Variants in TRIM24 observed in about 807,000 individuals in gnomAD.
TRIM24 encodes tripartite motif containing 24, also known as transcription intermediary factor 1-alpha.
Under a neutral mutation model 123.9 loss-of-function variants are expected in TRIM24, and 29 were observed. That is an observed-to-expected ratio of 0.23 (90% confidence interval 0.17 to 0.32). The LOEUF is 0.32. Among genes scored for constraint, TRIM24 ranks in the 10% least tolerant of loss-of-function variants. The pLI is 1.00. For missense variants in TRIM24, 932 were observed against 1,295.3 expected (o/e 0.72, Z 4.31); for synonymous variants, 456 against 461.1 (o/e 0.99, Z 0.14).
intron 7 of TRIM24, among the ~76,000 whole-genome samples, chr7:138,543,678 T>C (rs1352602276): frequency 1.3e-5 from 2 of 152,242 alleles, no homozygotes; most frequent in Admixed American, 6.5e-5. Context: ...ATATGCATAT[T>C]GAAATTATTG....
intron 14 of TRIM24, among the ~76,000 whole-genome samples, chr7:138,578,779 T>C (rs1797828428): frequency 6.6e-6 from 1 of 152,222 alleles, no homozygotes; most frequent in Non-Finnish European, 1.5e-5. Context: ...TTTATTACTT[T>C]GAAATTTTTG....
chr7:138,508,936 T>G (rs1237154743), intron 2 of TRIM24, among the ~76,000 whole-genome samples: 2 of 152,032 alleles, frequency 1.3e-5, no homozygotes, highest in Non-Finnish European at 2.9e-5. Flanking sequence ...TTTCAGGGAA[T>G]GATCTAACAG....
chr7:138,504,244 C>T (rs2116527622), intron 1 of TRIM24, 46 bp from the exon 2 acceptor site: 2 of 1,291,408 alleles, frequency 1.5e-6, no homozygotes, highest in Non-Finnish European at 1.1e-6. Flanking sequence ...GTTAAGTACT[C>T]AGTATATTTG....
chr7:138,544,265 T>C (rs771142528), intron 7 of TRIM24, among the ~76,000 whole-genome samples: 24 of 152,238 alleles, frequency 1.6e-4, no homozygotes, highest in Non-Finnish European at 2.6e-4. Flanking sequence ...AGTGAGATTA[T>C]ACAGTATTTT....
chr7:138,555,446 T>A (rs1455056612), intron 9 of TRIM24, among the ~76,000 whole-genome samples: 1 of 152,000 alleles, frequency 6.6e-6, no homozygotes, highest in African/African-American at 2.4e-5. Flanking sequence ...TCTGAGCAAA[T>A]ATACTGTCTA....
intron 16 of TRIM24, among the ~76,000 whole-genome samples, chr7:138,581,153 CTT>C (rs1797886865): frequency 1.3e-5 from 2 of 152,148 alleles, no homozygotes; most frequent in South Asian, 4.1e-4. Context: ...CAAGTCAACA[CTT>C]TGTTACCAAA....
rs753963633 is a variant in TRIM24 at position 138,460,659 on chromosome 7, G to A, written c.111G>A (p.Gln37=). 11 of 1,493,272 alleles carry A rather than the reference G, an allele frequency of 7.4e-6. No homozygotes were observed. The East Asian group carries it at 2.9e-4, about 39-fold the overall frequency. The allele number at this position is 1,493,272 out of a possible 1,614,324, so 92.5% of individuals were successfully genotyped here. Residue 37 remains glutamine, a synonymous_variant, in exon 1 of 19, where the codon CAG becomes CAA. Transcript: ENST00000343526. Reference sequence around the variant, plus strand: ...GGGAGAACGAGGCCGAGAGTCGGCAGGGCCCGGACTCGGAGCGCGGCGGCG... The same window carrying A: ...GGGAGAACGAGGCCGAGAGTCGGCAAGGCCCGGACTCGGAGCGCGGCGGCG... The part of the protein sequence containing the change: ...PSGENEAESR[Q]GPDSERGGEA...
At chr7:138,467,929 ATT>A (rs1013522068) in intron 1 of TRIM24, among the ~76,000 whole-genome samples, 4 of 151,502 alleles carry the variant, frequency 2.6e-5, no homozygotes, top group African/African-American at 9.7e-5. Flanking sequence ...ACTCCTTAGG[ATT>A]TTCTATGTAG....
At chr7:138,513,729 C>T (rs536963216) in intron 2 of TRIM24, among the ~76,000 whole-genome samples, 12 of 152,318 alleles carry the variant, frequency 7.9e-5, no homozygotes, top group African/African-American at 2.9e-4. Context: ...TGGGCAGGCA[C>T]ACAGATCCAA....
chr7:138,476,657 T>G (rs1795408765), intron 1 of TRIM24, among the ~76,000 whole-genome samples: 1 of 152,068 alleles, frequency 6.6e-6, no homozygotes, highest in Admixed American at 6.6e-5. Flanking sequence ...CATTATACTT[T>G]TTGGGTGAAA....
At chr7:138,557,291 T>TC (rs1370664048) in intron 9 of TRIM24, among the ~76,000 whole-genome samples, 1 of 152,056 alleles carries the variant, frequency 6.6e-6, no homozygotes, top group Admixed American at 6.6e-5. Flanking sequence ...TCGGCTTCAT[T>TC]CCCCCCTTTG....
At chr7:138,582,525 G>C (rs901461672) in intron 17 of TRIM24, among the ~76,000 whole-genome samples, 2 of 140,834 alleles carry the variant, frequency 1.4e-5, no homozygotes, top group African/African-American at 5.4e-5. Context: ...CTGGGCAAAA[G>C]AGCAAGACTC....
intron 2 of TRIM24, among the ~76,000 whole-genome samples, chr7:138,507,619 G>A (rs1009037105): frequency 6.6e-6 from 1 of 152,094 alleles, no homozygotes; most frequent in Non-Finnish European, 1.5e-5. Context: ...CACTGCATCC[G>A]GCCTCATCTG....
rs1231890608 is a variant in TRIM24, at chr7:138,508,699, G to GCA, written c.483+4292_483+4293insAC. ...TGTGTGTGTGTGTGTGTGTGCGCGCGCGTGTGTGCGTGTGTGTGTGCGTGT... is the reference window on the plus strand; with the variant it reads ...TGTGTGTGTGTGTGTGTGTGCGCGCGCACGTGTGTGCGTGTGTGTGTGCGTGT... On this transcript the variant is annotated intron_variant, in intron 2 of 18. Transcript: ENST00000343526. Among the ~76,000 whole-genome samples the GCA allele has an allele frequency of 1.1e-4, 11 of 96,456 alleles. 1 individual carries two copies. The highest frequency in any genetic ancestry group is 6.9e-4 in the Admixed American group (7 of 10,166). The allele number at this position is 96,456 out of a possible 152,430, so 63.3% of individuals were successfully genotyped here.
intron 7 of TRIM24, among the ~76,000 whole-genome samples, chr7:138,550,312 G>A (rs1162233295): frequency 7.4e-6 from 1 of 134,792 alleles, no homozygotes; most frequent in Non-Finnish European, 1.6e-5. Context: ...AGAAAGAGGA[G>A]TTGATGGTGT....
intron 6 of TRIM24, among the ~76,000 whole-genome samples, 188 bp downstream of exon 6, chr7:138,529,418 A>G (rs1201850609): frequency 6.6e-6 from 1 of 152,156 alleles, no homozygotes; most frequent in Non-Finnish European, 1.5e-5. Context: ...ATAATACGCT[A>G]TGAATGTCTG....
intron 7 of TRIM24, among the ~76,000 whole-genome samples, chr7:138,542,895 C>G (rs895699341): frequency 6.6e-6 from 1 of 152,142 alleles, no homozygotes; most frequent in Non-Finnish European, 1.5e-5. Flanking sequence ...GTGCTATAGT[C>G]TCCATCCTGA....
At chr7:138,468,769 C>T (rs1436418803) in intron 1 of TRIM24, among the ~76,000 whole-genome samples, 1 of 152,164 alleles carries the variant, frequency 6.6e-6, no homozygotes, top group African/African-American at 2.4e-5. Context: ...TGCGTAGTAG[C>T]CTTCAGCCAA....
intron 10 of TRIM24, 103 bp downstream of exon 10, chr7:138,567,757 C>T: frequency 8.4e-7 from 1 of 1,186,868 alleles, no homozygotes; most frequent in Non-Finnish European, 1.1e-6. Context: ...GAGCCAAGAG[C>T]AAGCCTTCTT....
Sources: allele counts gnomAD v4.1 joint callset (sites outside exome capture counted in the v4.1 genomes callset), GRCh38; gene constraint gnomAD v4.1.1; transcripts MANE v1.5; gene names NCBI Gene and HGNC (gene_info 2026-07-23, HGNC 2026-07-21).